Variants in SLC2A5 observed in about 807,000 individuals in gnomAD.
The protein encoded by SLC2A5 is solute carrier family 2, facilitated glucose transporter member 5.
In SLC2A5, 56 loss-of-function variants were observed where a neutral mutation model predicts 50.3. The ratio of observed to expected loss-of-function variants is 1.11; its 90% confidence interval spans 0.90 to 1.39. The LOEUF is 1.39. Ranked by LOEUF, SLC2A5 falls within the 40% of genes most tolerant of loss-of-function variation. The pLI is 0.00. For synonymous variants in SLC2A5, 269 were observed against 281.9 expected (o/e 0.95, Z 0.46); for missense variants, 566 against 650.1 (o/e 0.87, Z 1.41).
chr1:9,085,617 GA>G, intron 1 of SLC2A5, among the ~76,000 whole-genome samples: 1 of 152,258 alleles, frequency 6.6e-6, no homozygotes, highest in Non-Finnish European at 1.5e-5. Context: ...AGGCATGTTC[GA>G]ACCCCACTTC....
upstream of SLC2A5, among the ~76,000 whole-genome samples, chr1:9,093,208 C>T (rs1642478634): frequency 6.6e-6 from 1 of 152,282 alleles, no homozygotes; most frequent in Admixed American, 6.5e-5. Flanking sequence ...TACCCCCAAT[C>T]CCCACCTCAC....
At chr1:9,038,086 C>A in intron 10 of SLC2A5, 62 bp from the exon 11 acceptor site, 1 of 1,576,444 alleles carries the variant, frequency 6.3e-7, no homozygotes, top group Non-Finnish European at 8.6e-7. Flanking sequence ...CCAGGCCTGG[C>A]CATGCAGACC....
intron 3 of SLC2A5, among the ~76,000 whole-genome samples, chr1:9,056,261 C>T (rs1425054396): frequency 6.6e-6 from 1 of 152,164 alleles, no homozygotes; most frequent in Non-Finnish European, 1.5e-5. Flanking sequence ...TCTTAGCTCA[C>T]GGCAACCTCC....
chr1:9,058,037 C>T (rs899039153), intron 2 of SLC2A5, 115 bp downstream of exon 2: 2 of 731,134 alleles, frequency 2.7e-6, no homozygotes, highest in African/African-American at 1.7e-5. Flanking sequence ...AGGGTGTTTC[C>T]CTCTCCCTTT....
At position 9,052,931 on chromosome 1, in the gene SLC2A5, A is replaced by G. The variant is rs1228835142; in HGVS notation, c.293+4517T>C. Among the ~76,000 whole-genome samples the G allele has an allele frequency of 2.0e-5, 3 of 148,144 alleles. No individual in the cohort carries two copies. The Admixed American group carries it at 2.1e-4, about 10-fold the overall frequency. ...CAGTGAGCCACAATCGTGCCACTGC[A>G]CTCCAGCCTGGGCGACAGAGTAAGA... On this transcript the variant is annotated intron_variant, in intron 3 of 11. Coordinates refer to ENST00000377424, the MANE Select transcript of SLC2A5 (RefSeq NM_003039.3).
chr1:9,079,651 A>G (rs998572151), intron 2 of SLC2A5, among the ~76,000 whole-genome samples: 1 of 151,814 alleles, frequency 6.6e-6, no homozygotes, highest in Non-Finnish European at 1.5e-5. Flanking sequence ...ATGCTTAGCT[A>G]ATTTTTTGAA....
intron 1 of SLC2A5, among the ~76,000 whole-genome samples, chr1:9,063,681 C>CT (rs70985579): frequency 0.013 from 593 of 45,170 alleles, 78 homozygotes; most frequent in Non-Finnish European, 0.018. Context: ...CTATTATTTA[C>CT]TTTTTTTTTT....
At chr1:9,081,463 TC>T (rs955482372) in intron 2 of SLC2A5, among the ~76,000 whole-genome samples, 1 of 125,750 alleles carries the variant, frequency 8.0e-6, no homozygotes, top group African/African-American at 3.0e-5. Context: ...GTAGACTCCT[TC>T]TCTTAAAAAA....
chr1:9,050,860 C>T (rs548561629), intron 3 of SLC2A5, among the ~76,000 whole-genome samples: 24 of 152,052 alleles, frequency 1.6e-4, no homozygotes, highest in Non-Finnish European at 3.2e-4. Flanking sequence ...ATATGCATTA[C>T]ATAAAAGTAA....
At chr1:9,078,130 TC>T (rs774779538) in intron 2 of SLC2A5, among the ~76,000 whole-genome samples, 2 of 152,116 alleles carry the variant, frequency 1.3e-5, no homozygotes, top group Non-Finnish European at 2.9e-5. Context: ...TAGGGTAACT[TC>T]CTGAGGTTGC....
chr1:9,069,480 C>T lies in SLC2A5; in HGVS notation c.33+24G>A, dbSNP rs552093169. 4 of 1,613,286 alleles carry T rather than the reference C, an allele frequency of 2.5e-6. No homozygotes were observed. In the African/African-American group the frequency reaches 4.0e-5, roughly 16 times the overall value. ...CTGGCAGCCAAGCCTGCTCTTGGCC[C>T]CTTTCCCTGAGCAACACACTCACCC... On this transcript the variant is annotated intron_variant, in intron 1 of 11. Coordinates refer to ENST00000377424, the MANE Select transcript of SLC2A5 (RefSeq NM_003039.3).
upstream of SLC2A5, among the ~76,000 whole-genome samples, chr1:9,091,754 G>C (rs182655446): frequency 6.6e-6 from 1 of 151,754 alleles, no homozygotes; most frequent in Non-Finnish European, 1.5e-5. Context: ...TTATAGATGG[G>C]AGCGCATCAA....
In SLC2A5 at chr1:9,039,584, C is replaced by T. The variant is rs142118350; in HGVS notation, c.964G>A (p.Gly322Arg). Residue 322 changes from glycine (G) to arginine (R), a missense_variant, in exon 8 of 12, where the codon GGG (glycine) becomes AGG (arginine). Physicochemically the swap from Gly to Arg is moderately radical, Grantham distance 125 (BLOSUM62 -2). Coordinates refer to ENST00000377424, the MANE Select transcript of SLC2A5 (RefSeq NM_003039.3). ...EHVQYVTAGT[G>R]AVNVVMTFCA... ...AAGGTCATGACCACGTTCACGGCCC[C>T]GGTGCCGGCCGTCACGTACTGCACG... 3.8e-5 allele frequency: 60 copies of T among 1,575,264 alleles called. No homozygotes were observed. Among genetic ancestry groups the T allele is most frequent in the East Asian group, 3.6e-4 (15 of 42,082 alleles).
In SLC2A5 at chr1:9,038,004, T is replaced by C. The variant is rs1330264242; in HGVS notation, c.1195A>G (p.Ile399Val). Residue 399 changes from isoleucine (I) to valine (V), a missense_variant, in exon 11 of 12, where the codon ATC becomes GTC. Ile to Val is a conservative substitution (Grantham distance 29). Transcript: ENST00000377424. ...GAGGACTGCAGGAAGATCTCAGTGA[T>C]GAGCAGCGCGGGTATGGGACCTGTA... ...LGPSPIPALL[I>V]TEIFLQSSRP... is the part of the protein sequence containing the mutation. 1 of 1,613,846 alleles carries C rather than the reference T, an allele frequency of 6.2e-7. No homozygotes were observed. The highest frequency in any genetic ancestry group is 1.1e-5 in the South Asian group (1 of 91,086).
chr1:9,090,565 C>T (rs1355950825), upstream of SLC2A5, among the ~76,000 whole-genome samples: 1 of 152,188 alleles, frequency 6.6e-6, no homozygotes, highest in East Asian at 1.9e-4. Flanking sequence ...GCTTTTGTTC[C>T]TGTTTATCCT....
At position 9,046,198 on chromosome 1, in the gene SLC2A5, C is replaced by A. The variant is rs536574572; in HGVS notation, c.418+1412G>T. ...GGGAGGGGCTCCCTCAAGGGGCCCA[C>A]TCTGCACCTGTAGGACCCTGAGAGC... On this transcript the variant is annotated intron_variant, in intron 4 of 11. Coordinates refer to ENST00000377424, the MANE Select transcript of SLC2A5 (RefSeq NM_003039.3). 2.6e-5 allele frequency among the ~76,000 whole-genome samples: 4 copies of A among 152,248 alleles called. No homozygotes were observed. In the South Asian group the frequency reaches 8.3e-4, roughly 32 times the overall value.
At chr1:9,072,747 C>T (rs994367661), upstream of SLC2A5, among the ~76,000 whole-genome samples, 2 of 149,728 alleles carry the variant, frequency 1.3e-5, no homozygotes, top group Non-Finnish European at 3.0e-5. Context: ...GTCAGAAGTT[C>T]GAGACCAGCC....
At chr1:9,042,117 C>T (rs1488278513) in intron 4 of SLC2A5, among the ~76,000 whole-genome samples, 180 bp from the exon 5 acceptor site, 1 of 152,172 alleles carries the variant, frequency 6.6e-6, no homozygotes, top group Non-Finnish European at 1.5e-5. Context: ...GAAAGAGAAA[C>T]AGATCAAAGG....
At chr1:9,051,077 G>A (rs1456541575) in intron 3 of SLC2A5, among the ~76,000 whole-genome samples, 2 of 152,084 alleles carry the variant, frequency 1.3e-5, no homozygotes, top group African/African-American at 4.8e-5. Flanking sequence ...GGAACCAGTG[G>A]CATATCAAGG....
Sources: allele counts gnomAD v4.1 joint callset (sites outside exome capture counted in the v4.1 genomes callset), GRCh38; gene constraint gnomAD v4.1.1; transcripts MANE v1.5; gene names NCBI Gene and HGNC (gene_info 2026-07-23, HGNC 2026-07-21).